The following ZNF74 variants were observed in gnomAD, a reference collection of about 807,000 sequenced individuals.
ZNF74 encodes the protein zinc finger protein 520.
In ZNF74, 12 loss-of-function variants were observed where a neutral mutation model predicts 17.7. The observed-to-expected ratio is 0.68, with a 90% CI of 0.43 to 1.10. ZNF74 has a LOEUF of 1.10. ZNF74 is among the 50% of genes least tolerant of loss of function. The pLI, the probability that ZNF74 is intolerant of heterozygous loss-of-function variation, is 0.00. For missense variants in ZNF74, 811 were observed against 881.0 expected (o/e 0.92, Z 1.01); for synonymous variants, 358 against 362.1 (o/e 0.99, Z 0.13).
chr22:20,403,160 C>T (rs2052377930), intron 4 of ZNF74, among the ~76,000 whole-genome samples: 1 of 151,956 alleles, frequency 6.6e-6, no homozygotes, highest in African/African-American at 2.4e-5. Flanking sequence ...TTTTTTCTGG[C>T]CTGGGCCTCT....
intron 1 of ZNF74, 170 bp from the exon 2 acceptor site, chr22:20,395,163 T>A: frequency 1.7e-6 from 1 of 579,056 alleles, no homozygotes; most frequent in Middle Eastern, 4.8e-4. Context: ...ACAGGCAGAT[T>A]ATTCCTCGAT....
At position 20,401,494 on chromosome 22, in the gene ZNF74, C is replaced by T. The variant is rs1334428408; in HGVS notation, c.343+122C>T. On this transcript the variant is annotated intron_variant, in intron 4 of 4. Coordinates refer to ENST00000400451, the MANE Select transcript of ZNF74 (RefSeq NM_003426.4). The surrounding 1 kb of genome is among the most constrained non-coding windows in gnomAD (Gnocchi z 4.2). ...CCATCTCCCCTTTTCAGGTCCCCCG[C>T]CAGACCCTCCTGCCTGCCTCCCTTC... is the stretch of plus-strand genomic sequence containing the variant. The T allele has an allele frequency of 4.5e-6, 3 of 668,380 alleles. No individual in the cohort carries two copies. The highest frequency in any genetic ancestry group is 8.0e-6 in the Non-Finnish European group (3 of 373,684). 41.4% of individuals were successfully genotyped at this position (668,380 alleles called of 1,614,324 possible).
At chr22:20,398,605 G>A (rs545961512) in intron 2 of ZNF74, among the ~76,000 whole-genome samples, 101 of 152,082 alleles carry the variant, frequency 6.6e-4, no homozygotes, top group Non-Finnish European at 1.3e-3. Context: ...GTAAATATAT[G>A]TTTGTCAATT....
In ZNF74 at chr22:20,395,114, G is replaced by T. The variant is rs2052278100; in HGVS notation, c.35-219G>T. On this transcript the variant is annotated intron_variant, in intron 1 of 4. Coordinates refer to ENST00000400451, the MANE Select transcript of ZNF74 (RefSeq NM_003426.4). ...CCCACTCAGACGTGCTTGATTGGGG[G>T]TAGCAGCTCTTTTCGTCATGAATTG... 1.2e-5 allele frequency: 6 copies of T among 494,836 alleles called. 1 individual carries two copies. Among genetic ancestry groups the T allele is most frequent in the African/African-American group, 9.7e-5 (5 of 51,374 alleles). The allele number at this position is 494,836 out of a possible 1,614,324, so 30.7% of individuals were successfully genotyped here. A position where few individuals can be genotyped will look rare whatever the true frequency, so the allele number is the denominator to read the frequency against.
At chr22:20,400,412 T>G in intron 2 of ZNF74, 1 of 552,844 alleles carries the variant, frequency 1.8e-6, no homozygotes, top group Non-Finnish European at 3.3e-6. Flanking sequence ...GCTTTCCCAA[T>G]CTAGAAGGTG....
chr22:20,401,495 C>T lies in ZNF74; in HGVS notation c.343+123C>T. On this transcript the variant is annotated intron_variant, in intron 4 of 4. Transcript: ENST00000400451. The surrounding 1 kb of genome is among the most constrained non-coding windows in gnomAD (Gnocchi z 4.2). Reference sequence around the variant, plus strand: ...CATCTCCCCTTTTCAGGTCCCCCGCCAGACCCTCCTGCCTGCCTCCCTTCA... The same window carrying T: ...CATCTCCCCTTTTCAGGTCCCCCGCTAGACCCTCCTGCCTGCCTCCCTTCA... 1.5e-6 allele frequency: 1 copy of T among 668,338 alleles called. No individual in the cohort carries two copies. 41.4% of individuals were successfully genotyped at this position (668,338 alleles called of 1,614,324 possible).
At chr22:20,396,677 T>C (rs2146089701) in intron 2 of ZNF74, among the ~76,000 whole-genome samples, 1 of 152,302 alleles carries the variant, frequency 6.6e-6, no homozygotes, top group African/African-American at 2.4e-5. Context: ...ATTAGCTTGT[T>C]AGATCTTTGA....
chr22:20,395,054 CCTG>C, intron 1 of ZNF74: 2 of 455,190 alleles, frequency 4.4e-6, no homozygotes, highest in South Asian at 6.5e-5. Context: ...CTCCTGGCCT[CCTG>C]CTTCTTTCTT....
In ZNF74 at chr22:20,406,402, G is replaced by GGACC. The variant is rs1215845226; in HGVS notation, c.1369_1370insGACC (p.Ala457GlyfsTer70). 1 of 1,611,798 alleles carries GGACC rather than the reference G, an allele frequency of 6.2e-7. No homozygotes were observed. The highest frequency in any genetic ancestry group is 8.5e-7 in the Non-Finnish European group (1 of 1,179,340). ...CTGCGGGAAGGGCTTCAGCTGCCAC[G>GGACC]CGTACCTGCTCGTGCACCGGCGCAT... On this transcript the variant is annotated frameshift_variant, in exon 5 of 5. Coordinates refer to ENST00000400451, the MANE Select transcript of ZNF74 (RefSeq NM_003426.4). LOFTEE classifies it low-confidence loss of function (END_TRUNC).
chr22:20,403,889 AC>A (rs1341944231), intron 4 of ZNF74, among the ~76,000 whole-genome samples: 1 of 151,378 alleles, frequency 6.6e-6, no homozygotes, highest in East Asian at 1.9e-4. Flanking sequence ...GAACCCATCC[AC>A]CTTGCCAGGG....
In ZNF74 at chr22:20,406,790, T is replaced by C. The variant is rs758195513; in HGVS notation, c.1757T>C (p.Ile586Thr). The C allele has an allele frequency of 6.2e-7, 1 of 1,614,056 alleles. No homozygotes were observed. The change falls in exon 5 of 5, where the codon ATC becomes ACC. Residue 586 changes from isoleucine to threonine, a missense_variant. By Grantham distance (89) the Ile-to-Thr change is moderately conservative. This residue lies in a region of ZNF74 where 115 missense variants were observed against 119.5 expected (regional missense o/e 0.96). Coordinates refer to ENST00000400451, the MANE Select transcript of ZNF74 (RefSeq NM_003426.4). Reference sequence around the variant, plus strand: ...CACAGCGAGGGGAAGCCCTTGGCCATCCAGTTCAACAAACACCTGCTCAGC... The same window carrying C: ...CACAGCGAGGGGAAGCCCTTGGCCACCCAGTTCAACAAACACCTGCTCAGC... ...RLHSEGKPLAIQFNKHLLSTY... is the reference protein window; with the variant it reads ...RLHSEGKPLATQFNKHLLSTY...
In ZNF74 at chr22:20,407,162, CAGGA is replaced by C; in HGVS notation, c.*195_*198del. 3.8e-6 allele frequency: 3 copies of C among 793,466 alleles called. No individual in the cohort carries two copies. Among genetic ancestry groups the C allele is most frequent in the Non-Finnish European group, 5.8e-6 (3 of 519,606 alleles). 49.2% of individuals were successfully genotyped at this position (793,466 alleles called of 1,614,324 possible). On this transcript the variant is annotated 3_prime_UTR_variant, in exon 5 of 5. Coordinates refer to ENST00000400451, the MANE Select transcript of ZNF74 (RefSeq NM_003426.4). ...TCACCTCCCCAGAAGGGCCACACTC[CAGGA>C]GGAGTGTTGAGAGTCATTTGAGGTA...
Position 20,406,723 on chromosome 22 carries a change from A to T in ZNF74, c.1690A>T (p.Met564Leu). 2 of 1,614,096 alleles carry T rather than the reference A, an allele frequency of 1.2e-6. No individual in the cohort carries two copies. The highest frequency in any genetic ancestry group is 1.7e-6 in the Non-Finnish European group (2 of 1,180,012). The stretch of plus-strand genomic sequence containing the variant: ...GTTTAAGTGTGAGAAATGTGGGGAG[A>T]TGTTCAACTGGAGCTCGCACCTCAC... The part of the protein sequence containing the change: ...KSFKCEKCGE[M>L]FNWSSHLTEH... The change falls in exon 5 of 5, where the codon ATG (methionine) becomes TTG (leucine). Residue 564 changes from methionine to leucine, a missense_variant. Transcript: ENST00000400451.
Position 20,406,833 on chromosome 22 carries a change from C to A in ZNF74, c.1800C>A (p.Gly600=). The A allele has an allele frequency of 1.9e-6, 3 of 1,614,062 alleles. No homozygotes were observed. Among genetic ancestry groups the A allele is most frequent in the Non-Finnish European group, 2.5e-6 (3 of 1,180,014 alleles). Reference sequence around the variant, plus strand: ...TGCTCAGCACATACTACGTGCCTGGCAGCCTGCTGGGTGCAGGGGATGCTG... The same window carrying A: ...TGCTCAGCACATACTACGTGCCTGGAAGCCTGCTGGGTGCAGGGGATGCTG... ...KHLLSTYYVP[G]SLLGAGDAGL... is the part of the protein sequence containing the mutation. Residue 600 remains glycine (G), a synonymous_variant, in exon 5 of 5, where the codon GGC becomes GGA. Coordinates refer to ENST00000400451, the MANE Select transcript of ZNF74 (RefSeq NM_003426.4).
chr22:20,407,566 AG>A lies in ZNF74; in HGVS notation c.*600del, dbSNP rs1416135628. The A allele has an allele frequency of 6.6e-6, 1 of 152,664 alleles. No homozygotes were observed. Among genetic ancestry groups the A allele is most frequent in the Non-Finnish European group, 1.5e-5 (1 of 68,406 alleles). The allele number at this position is 152,664 out of a possible 1,614,324, so 9.5% of individuals were successfully genotyped here. A position where few individuals can be genotyped will look rare whatever the true frequency, so the allele number is the denominator to read the frequency against. Reference sequence around the variant, plus strand: ...AAGCAAGACCCTGTGTGAAATTAAAAGGAGGTATATCAACTGTTGTATCCTC... The same window carrying A: ...AAGCAAGACCCTGTGTGAAATTAAAAGAGGTATATCAACTGTTGTATCCTC... On this transcript the variant is annotated 3_prime_UTR_variant, in exon 5 of 5. Coordinates refer to ENST00000400451, the MANE Select transcript of ZNF74 (RefSeq NM_003426.4).
rs939542653 is a variant in ZNF74 at position 20,405,912 on chromosome 22, G to C, written c.879G>C (p.Glu293Asp). 2.5e-6 allele frequency: 4 copies of C among 1,613,864 alleles called. No individual in the cohort carries two copies. Among genetic ancestry groups the C allele is most frequent in the Admixed American group, 3.3e-5 (2 of 60,024 alleles). ...TCACCTGGAGCACCAACCTTCTGGA[G>C]CACCGGCGCATCCACACCGGCGAGA... ...KAFTWSTNLL[E>D]HRRIHTGEKP... Residue 293 changes from glutamate to aspartate, a missense_variant, in exon 5 of 5, where the codon GAG becomes GAC. Physicochemically the swap from Glu to Asp is conservative, Grantham distance 45. This residue lies in a region of ZNF74 where 666 missense variants were observed against 702.3 expected (regional missense o/e 0.95). Coordinates refer to ENST00000400451, the MANE Select transcript of ZNF74 (RefSeq NM_003426.4).
chr22:20,401,080 C>T lies in ZNF74; in HGVS notation c.248-197C>T. ...TCAAGCAATGAAGTAAGGACGTCAG[C>T]ACACGTGGGGTCTTCAGAGTATACA... On this transcript the variant is annotated intron_variant, in intron 3 of 4. Coordinates refer to ENST00000400451, the MANE Select transcript of ZNF74 (RefSeq NM_003426.4). The surrounding 1 kb of genome is among the most constrained non-coding windows in gnomAD (Gnocchi z 4.2). The T allele has an allele frequency of 3.4e-6, 2 of 596,456 alleles. No individual in the cohort carries two copies. The highest frequency in any genetic ancestry group is 2.0e-5 in the South Asian group (1 of 49,146). The allele number at this position is 596,456 out of a possible 1,614,324, so 36.9% of individuals were successfully genotyped here. A position where few individuals can be genotyped will look rare whatever the true frequency, so the allele number is the denominator to read the frequency against.
At position 20,401,871 on chromosome 22, in the gene ZNF74, AGTCAGCATCAGCATTAGG is replaced by A. The variant is rs1369006152; in HGVS notation, c.343+512_343+529del. Reference sequence around the variant, plus strand: ...GGGCCATCATCAGCGTCAGGGTCAGAGTCAGCATCAGCATTAGGGTCAGCATCAGCGTCAGGGTCAGGG... The same window carrying A: ...GGGCCATCATCAGCGTCAGGGTCAGAGTCAGCATCAGCGTCAGGGTCAGGG... On this transcript the variant is annotated intron_variant, in intron 4 of 4. Coordinates refer to ENST00000400451, the MANE Select transcript of ZNF74 (RefSeq NM_003426.4). This position sits in a 1 kb window ranked among gnomAD's most constrained non-coding sequence, Gnocchi z 4.2. Among the ~76,000 whole-genome samples the A allele has an allele frequency of 1.3e-5, 2 of 151,936 alleles. No homozygotes were observed. The highest frequency in any genetic ancestry group is 3.9e-4 in the East Asian group (2 of 5,194).
At chr22:20,405,198 T>C (rs1485586367) in intron 4 of ZNF74, among the ~76,000 whole-genome samples, 179 bp from the exon 5 acceptor site, 1 of 152,196 alleles carries the variant, frequency 6.6e-6, no homozygotes, top group Non-Finnish European at 1.5e-5. Context: ...TTCTTCCCGC[T>C]CTTGCTTGCC....
Sources: allele counts gnomAD v4.1 joint callset (sites outside exome capture counted in the v4.1 genomes callset), GRCh38; gene constraint gnomAD v4.1.1; regional missense constraint gnomAD v4.1.1; non-coding constraint Gnocchi (gnomAD v3.1); transcripts MANE v1.5; gene names NCBI Gene and HGNC (gene_info 2026-07-23, HGNC 2026-07-21).